ZNF843: variants seen among roughly 807,000 people sequenced by gnomAD.
The protein encoded by ZNF843 is zinc finger protein 843.
For missense variants in ZNF843, 482 were observed against 469.4 expected (o/e 1.03, Z -0.25); for synonymous variants, 185 against 207.7 (o/e 0.89, Z 0.94).
Position 31,436,012 on chromosome 16 carries a change from G to T in ZNF843, c.838C>A (p.Arg280=), listed in dbSNP as rs575633022. 1.9e-3 allele frequency: 2,848 copies of T among 1,525,224 alleles called. 7 individuals carry two copies. Among genetic ancestry groups the T allele is most frequent in the Non-Finnish European group, 2.2e-3 (2,483 of 1,133,140 alleles). 94.5% of individuals were successfully genotyped at this position (1,525,224 alleles called of 1,614,324 possible). Residue 280 remains arginine (R), a synonymous_variant, in exon 2 of 2, where the codon CGG becomes AGG. Coordinates refer to ENST00000315678, the MANE Select transcript of ZNF843 (RefSeq NM_001136509.3). ...RSCASAGRDS[R]EAVQAPGYPE... ...TAGCCTGGGGCCTGAACCGCCTCCCGCGAGTCCCGTCCCGCGCTCGCACAG... is the reference window on the plus strand; with the variant it reads ...TAGCCTGGGGCCTGAACCGCCTCCCTCGAGTCCCGTCCCGCGCTCGCACAG...
rs532602073 is a variant in ZNF843, at chr16:31,435,942, G to C, written c.908C>G (p.Pro303Arg). ...RKASQHRAAG[P>R]LGEARARLQR... is the part of the protein sequence containing the mutation. Reference sequence around the variant, plus strand: ...AAGCCTGGCCCTGGCCTCGCCGAGCGGTCCGGCCGCTCTGTGCTGCGAGGC... The same window carrying C: ...AAGCCTGGCCCTGGCCTCGCCGAGCCGTCCGGCCGCTCTGTGCTGCGAGGC... The change falls in exon 2 of 2, where the codon CCG becomes CGG. Residue 303 changes from proline (P) to arginine (R), a missense_variant. Physicochemically the swap from Pro to Arg is moderately radical, Grantham distance 103 (BLOSUM62 -2). Transcript: ENST00000315678. 3.2e-6 allele frequency: 5 copies of C among 1,541,938 alleles called. No homozygotes were observed. Among genetic ancestry groups the C allele is most frequent in the Admixed American group, 4.0e-5 (2 of 49,950 alleles).
rs550048458 is a variant in ZNF843, at chr16:31,437,786, G to A, written c.-335-602C>T. 2.8e-4 allele frequency among the ~76,000 whole-genome samples: 43 copies of A among 151,566 alleles called. 1 individual carries two copies. In the South Asian group the frequency reaches 5.6e-3, roughly 20 times the overall value. ...ATTACAGGCGCCTGCCACCATTGCC[G>A]GCTAATTTTTTTTTGTATTTTAGTA... On this transcript the variant is annotated intron_variant, in intron 1 of 1. Transcript: ENST00000315678.
intron 1 of ZNF843, among the ~76,000 whole-genome samples, chr16:31,440,314 C>G (rs1042912853): frequency 6.6e-6 from 1 of 152,186 alleles, no homozygotes; most frequent in Non-Finnish European, 1.5e-5. Context: ...AATATTTTCA[C>G]GTTTGCATAT....
Position 31,435,503 on chromosome 16 carries a change from A to C in ZNF843, c.*300T>G. ...GCGGTCTCGCTAGGCTGCCCAGGCT[A>C]GTCTCAAATTCTTCGGGCTCACGCG... On this transcript the variant is annotated 3_prime_UTR_variant, in exon 2 of 2. Transcript: ENST00000315678. The C allele has an allele frequency of 1.2e-5, 3 of 254,392 alleles. No homozygotes were observed. Among genetic ancestry groups the C allele is most frequent in the East Asian group, 1.4e-4 (2 of 13,898 alleles). The allele number at this position is 254,392 out of a possible 1,614,324, so 15.8% of individuals were successfully genotyped here. A position where few individuals can be genotyped will look rare whatever the true frequency, so the allele number is the denominator to read the frequency against.
chr16:31,435,646 AAAAC>A lies in ZNF843; in HGVS notation c.*153_*156del, dbSNP rs766052336. On this transcript the variant is annotated 3_prime_UTR_variant, in exon 2 of 2. Transcript: ENST00000315678. ...AAAGGAGCGAGAATTCAGGGGAAAA[AAAAC>A]AAACAAAATAGCCCCCAGCACTTCT... 6.6e-5 allele frequency: 47 copies of A among 710,920 alleles called. No homozygotes were observed. Among genetic ancestry groups the A allele is most frequent in the Non-Finnish European group, 8.8e-5 (42 of 475,120 alleles). 44.0% of individuals were successfully genotyped at this position (710,920 alleles called of 1,614,324 possible). A position where few individuals can be genotyped will look rare whatever the true frequency, so the allele number is the denominator to read the frequency against.
In ZNF843 at chr16:31,436,184, A is replaced by G. The variant is rs2142882184; in HGVS notation, c.666T>C (p.Tyr222=). 1 of 1,537,868 alleles carries G rather than the reference A, an allele frequency of 6.5e-7. No homozygotes were observed. Among genetic ancestry groups the G allele is most frequent in the East Asian group, 2.5e-5 (1 of 40,758 alleles). The change falls in exon 2 of 2, where the codon TAT becomes TAC. Residue 222 remains tyrosine, a synonymous_variant. Coordinates refer to ENST00000315678, the MANE Select transcript of ZNF843 (RefSeq NM_001136509.3). The part of the protein sequence containing the change: ...STLLPRPPFL[Y]PGPPLSLQPL... ...GCTGGAGACTGAGTGGGGGGCCAGG[A>G]TAAAGGAAGGGAGGTCGGGGCAGGA...
rs756497823 is a variant in ZNF843 at position 31,436,117 on chromosome 16, GAGGCACTGC to G, written c.724_732del (p.Ala242_Pro244del). 2.3e-5 allele frequency: 35 copies of G among 1,550,378 alleles called. No homozygotes were observed. The South Asian group carries it at 4.1e-4, about 18-fold the overall frequency. ...ACCTGGGCAACTTCCAGGCCTCCCAGAGGCACTGCAGGCACTGCGGGAAGGCCGGATGGA... is the reference window on the plus strand; with the variant it reads ...ACCTGGGCAACTTCCAGGCCTCCCAGAGGCACTGCGGGAAGGCCGGATGGA... On this transcript the variant is annotated inframe_deletion, in exon 2 of 2. Coordinates refer to ENST00000315678, the MANE Select transcript of ZNF843 (RefSeq NM_001136509.3).
intron 1 of ZNF843, among the ~76,000 whole-genome samples, chr16:31,439,458 C>G (rs1210305274): frequency 6.6e-6 from 1 of 152,234 alleles, no homozygotes; most frequent in African/African-American, 2.4e-5. Context: ...TGCATATCAG[C>G]TTTATTCATA....
At chr16:31,441,177 C>T (rs549676978) in intron 1 of ZNF843, among the ~76,000 whole-genome samples, 7 of 152,304 alleles carry the variant, frequency 4.6e-5, no homozygotes, top group Admixed American at 3.9e-4. Flanking sequence ...ATATGAGTAA[C>T]TCACAGGGAT....
chr16:31,442,859 C>G (rs1222419795), upstream of ZNF843: 1 of 152,260 alleles, frequency 6.6e-6, no homozygotes, highest in African/African-American at 2.4e-5. Context: ...CGTCCTGGCC[C>G]GGCGTCCGGA....
chr16:31,441,227 A>G (rs926322124), intron 1 of ZNF843, among the ~76,000 whole-genome samples: 2 of 152,194 alleles, frequency 1.3e-5, no homozygotes, highest in Non-Finnish European at 2.9e-5. Context: ...TGCCCGGCCC[A>G]GTGCTTCGGG....
intron 1 of ZNF843, among the ~76,000 whole-genome samples, chr16:31,442,096 G>A (rs1329843913): frequency 2.0e-5 from 3 of 152,346 alleles, no homozygotes; most frequent in Non-Finnish European, 2.9e-5. Flanking sequence ...GCTGGGAAAC[G>A]GCTCCAGCAG....
At chr16:31,440,844 T>C (rs1008231935) in intron 1 of ZNF843, among the ~76,000 whole-genome samples, 1 of 152,216 alleles carries the variant, frequency 6.6e-6, no homozygotes, top group African/African-American at 2.4e-5. Flanking sequence ...AGCTCTCCTT[T>C]GGGAGTCAGG....
At chr16:31,440,727 T>C in intron 1 of ZNF843, among the ~76,000 whole-genome samples, 1 of 152,210 alleles carries the variant, frequency 6.6e-6, no homozygotes. Flanking sequence ...GCAGCTCTTA[T>C]ACCAGTATGA....
chr16:31,436,283 G>C lies in ZNF843; in HGVS notation c.567C>G (p.Ala189=). ...GCCGGAGCCCAGAGGTGCTGTCCGG[G>C]GCGACTGAGCTGGGTGCGAGGCTGA... The part of the protein sequence containing the change: ...ESVSLAPSSV[A]PDSTSGLRPC... The change falls in exon 2 of 2, where the codon GCC becomes GCG. Residue 189 remains alanine, a synonymous_variant. Coordinates refer to ENST00000315678, the MANE Select transcript of ZNF843 (RefSeq NM_001136509.3). 3 of 1,549,312 alleles carry C rather than the reference G, an allele frequency of 1.9e-6. No individual in the cohort carries two copies. The highest frequency in any genetic ancestry group is 2.6e-6 in the Non-Finnish European group (3 of 1,145,720).
chr16:31,436,372 G>T lies in ZNF843; in HGVS notation c.478C>A (p.Leu160Ile), dbSNP rs1429888783. The part of the protein sequence containing the change: ...CGDSVNEKTS[L>I]SQRVLPHPGE... ...GGGTGCGGAAGGACGCGCTGGGAGA[G>T]GGAGGTCTTCTCATTGACACTGTCA... is the stretch of plus-strand genomic sequence containing the variant. Residue 160 changes from leucine (L) to isoleucine (I), a missense_variant, in exon 2 of 2, where the codon CTC becomes ATC. Transcript: ENST00000315678. 1 of 1,548,266 alleles carries T rather than the reference G, an allele frequency of 6.5e-7. No homozygotes were observed. Among genetic ancestry groups the T allele is most frequent in the East Asian group, 2.4e-5 (1 of 40,854 alleles).
chr16:31,437,067 G>A lies in ZNF843; in HGVS notation c.-218C>T, dbSNP rs1301466897. On this transcript the variant is annotated 5_prime_UTR_variant, in exon 2 of 2. The change creates a premature stop within an existing upstream ORF in the 5' untranslated region. Transcript: ENST00000315678. ...TCTGAAGGTGTTTCTTGAGGCTCTC[G>A]GGCATGTCCCTGGGTGTTCCCCATC... The A allele has an allele frequency of 3.6e-6, 2 of 556,280 alleles. No homozygotes were observed. The highest frequency in any genetic ancestry group is 3.6e-5 in the Admixed American group (1 of 28,150). 34.5% of individuals were successfully genotyped at this position (556,280 alleles called of 1,614,324 possible). A position where few individuals can be genotyped will look rare whatever the true frequency, so the allele number is the denominator to read the frequency against.
At chr16:31,438,772 G>A (rs2082192026) in intron 1 of ZNF843, among the ~76,000 whole-genome samples, 1 of 152,076 alleles carries the variant, frequency 6.6e-6, no homozygotes, top group African/African-American at 2.4e-5. Flanking sequence ...GGTGGCACCA[G>A]TTTTATTCTC....
rs916233073 is a variant in ZNF843 at position 31,436,965 on chromosome 16, G to A, written c.-116C>T. On this transcript the variant is annotated 5_prime_UTR_variant, in exon 2 of 2. Coordinates refer to ENST00000315678, the MANE Select transcript of ZNF843 (RefSeq NM_001136509.3). The stretch of plus-strand genomic sequence containing the variant: ...GGCTTCCCGTGGCCACGAGCTCACA[G>A]TCTGGGAGCAGCACCCGGCCCCAGG... 1.9e-6 allele frequency: 2 copies of A among 1,028,814 alleles called. No individual in the cohort carries two copies. Among genetic ancestry groups the A allele is most frequent in the South Asian group, 3.4e-5 (2 of 58,310 alleles). 63.7% of individuals were successfully genotyped at this position (1,028,814 alleles called of 1,614,324 possible). A position where few individuals can be genotyped will look rare whatever the true frequency, so the allele number is the denominator to read the frequency against.
Sources: allele counts gnomAD v4.1 joint callset (sites outside exome capture counted in the v4.1 genomes callset), GRCh38; gene constraint gnomAD v4.1.1; transcripts MANE v1.5; gene names NCBI Gene and HGNC (gene_info 2026-07-23, HGNC 2026-07-21).